The following LAMP1 variants were observed in gnomAD, a reference collection of about 807,000 sequenced individuals.
LAMP1 encodes the protein lysosome-associated membrane glycoprotein 1.
A neutral mutation model predicts 37.5 loss-of-function variants in LAMP1; 7 were observed. The observed-to-expected ratio is 0.19, with a 90% CI of 0.11 to 0.35. The LOEUF (loss-of-function observed/expected upper bound fraction) is 0.35. Ranked by LOEUF, LAMP1 falls within the 10% of genes least tolerant of loss-of-function variation. The pLI is 1.00. For synonymous variants in LAMP1, 236 were observed against 229.1 expected (o/e 1.03, Z -0.27); for missense variants, 537 against 552.8 (o/e 0.97, Z 0.29).
rs2042707888 is a variant in LAMP1 at position 113,322,465 on chromosome 13, T to A, written c.*44T>A. 1 of 1,561,636 alleles carries A rather than the reference T, an allele frequency of 6.4e-7. No individual in the cohort carries two copies. Among genetic ancestry groups the A allele is most frequent in the East Asian group, 2.3e-5 (1 of 43,690 alleles). Reference sequence around the variant, plus strand: ...AGCAGCTGCAGGGGCCTCTGTTCCTTTCTCTGGGCTTAGGGTCCTGTCGAA... The same window carrying A: ...AGCAGCTGCAGGGGCCTCTGTTCCTATCTCTGGGCTTAGGGTCCTGTCGAA... On this transcript the variant is annotated 3_prime_UTR_variant, in exon 9 of 9. Coordinates refer to ENST00000332556, the MANE Select transcript of LAMP1 (RefSeq NM_005561.4).
chr13:113,307,858 C>G (rs1284404423), intron 2 of LAMP1, among the ~76,000 whole-genome samples: 1 of 140,430 alleles, frequency 7.1e-6, no homozygotes, highest in African/African-American at 2.7e-5. Context: ...ACTTGGGAGG[C>G]TGAGGTGGGA....
chr13:113,306,828 AT>A (rs1240866738), intron 2 of LAMP1, among the ~76,000 whole-genome samples: 2 of 50,958 alleles, frequency 3.9e-5, no homozygotes, highest in Non-Finnish European at 1.0e-4. Flanking sequence ...CATCATGAAC[AT>A]TTTCCTTTTT....
intron 4 of LAMP1, among the ~76,000 whole-genome samples, chr13:113,311,831 C>T (rs2042632348): frequency 6.6e-6 from 1 of 152,222 alleles, no homozygotes. Context: ...AAGTAGCAAG[C>T]ACCTGGTAAA....
chr13:113,308,540 G>C (rs1446613180), intron 2 of LAMP1, among the ~76,000 whole-genome samples: 2 of 151,392 alleles, frequency 1.3e-5, no homozygotes, highest in African/African-American at 4.9e-5. Flanking sequence ...GGTCAGGCTG[G>C]TCTCAAACTC....
In LAMP1 at chr13:113,319,553, G is replaced by C; in HGVS notation, c.647G>C (p.Ser216Thr). ...CCCTCGCCCTCACCCGTGCCCAAGA[G>C]CCCCTCTGTGGACAAGTACAACGTG... ...PSPSPSPVPK[S>T]PSVDKYNVSG... The change falls in exon 5 of 9, where the codon AGC becomes ACC. Residue 216 changes from serine (S) to threonine (T), a missense_variant. By Grantham distance (58) the Ser-to-Thr change is moderately conservative (BLOSUM62 1). Transcript: ENST00000332556. 3 of 1,613,972 alleles carry C rather than the reference G, an allele frequency of 1.9e-6. No individual in the cohort carries two copies. Among genetic ancestry groups the C allele is most frequent in the Non-Finnish European group, 1.7e-6 (2 of 1,180,020 alleles).
intron 1 of LAMP1, among the ~76,000 whole-genome samples, chr13:113,303,453 G>A (rs2042583948): frequency 6.6e-6 from 1 of 152,114 alleles, no homozygotes; most frequent in South Asian, 2.1e-4. Flanking sequence ...TGCTGCCAAC[G>A]GCTGTCCTGT....
At position 113,306,505 on chromosome 13, in the gene LAMP1, G is replaced by A. The variant is rs2042599160; in HGVS notation, c.82G>A (p.Ala28Thr). 2 of 1,614,088 alleles carry A rather than the reference G, an allele frequency of 1.2e-6. No homozygotes were observed. The highest frequency in any genetic ancestry group is 1.3e-5 in the African/African-American group (1 of 75,054). The change falls in exon 2 of 9, where the codon GCA becomes ACA. Residue 28 changes from alanine (A) to threonine (T), a missense_variant. Ala to Thr is a moderately conservative substitution (Grantham distance 58). Coordinates refer to ENST00000332556, the MANE Select transcript of LAMP1 (RefSeq NM_005561.4). ...LLLGLMHCASAAMFMVKNGNG... is the reference protein window; with the variant it reads ...LLLGLMHCASTAMFMVKNGNG... ...GACAGGCCTCATGCATTGTGCGTCA[G>A]CAGCAATGTTTATGGTGAAAAATGG...
intron 4 of LAMP1, among the ~76,000 whole-genome samples, chr13:113,315,372 T>A (rs1247662029): frequency 1.3e-5 from 2 of 149,254 alleles, no homozygotes; most frequent in Non-Finnish European, 1.5e-5. Flanking sequence ...GAAAGCCTCA[T>A]GTATCTTGTC....
At chr13:113,313,013 C>A (rs1001410719) in intron 4 of LAMP1, among the ~76,000 whole-genome samples, 6 of 152,314 alleles carry the variant, frequency 3.9e-5, no homozygotes, top group African/African-American at 1.2e-4. Context: ...CACGCACTCT[C>A]TGTCAGAGCT....
intron 1 of LAMP1, among the ~76,000 whole-genome samples, chr13:113,300,858 C>G (rs975227620): frequency 1.3e-5 from 2 of 152,072 alleles, no homozygotes; most frequent in Non-Finnish European, 2.9e-5. Context: ...CCGATGTTAC[C>G]TTTGATTGTG....
chr13:113,299,291 G>C (rs527922223), intron 1 of LAMP1, among the ~76,000 whole-genome samples: 1 of 150,068 alleles, frequency 6.7e-6, no homozygotes, highest in East Asian at 1.9e-4. Flanking sequence ...TTTTTGAGGC[G>C]GAGTTGCTCT....
chr13:113,317,362 T>G (rs1254919158), intron 4 of LAMP1, among the ~76,000 whole-genome samples: 1 of 152,134 alleles, frequency 6.6e-6, no homozygotes, highest in East Asian at 1.9e-4. Context: ...AAGGAGAGTG[T>G]GGGTTTGCGT....
chr13:113,300,486 C>CAAAAAAA (rs781688099), intron 1 of LAMP1, among the ~76,000 whole-genome samples: 5 of 60,238 alleles, frequency 8.3e-5, no homozygotes, highest in Non-Finnish European at 1.1e-4. Context: ...AACTCAATGT[C>CAAAAAAA]AAAAAAAAAA....
At chr13:113,299,333 C>G (rs914267617) in intron 1 of LAMP1, among the ~76,000 whole-genome samples, 2 of 151,316 alleles carry the variant, frequency 1.3e-5, no homozygotes, top group African/African-American at 4.9e-5. Flanking sequence ...GGCACAACCT[C>G]GGCTCACTAC....
rs1318583479 is a variant in LAMP1, at chr13:113,309,545, G to A, written c.184-98G>A. 1.6e-5 allele frequency: 14 copies of A among 889,238 alleles called. No homozygotes were observed. The East Asian group carries it at 3.5e-4, about 22-fold the overall frequency. The allele number at this position is 889,238 out of a possible 1,614,324, so 55.1% of individuals were successfully genotyped here. A position where few individuals can be genotyped will look rare whatever the true frequency, so the allele number is the denominator to read the frequency against. On this transcript the variant is annotated intron_variant, in intron 2 of 8. Transcript: ENST00000332556. Reference sequence around the variant, plus strand: ...CAGTAGTGATATCTTAGTTGGAAATGAAGTATAAGTTTATATCAGACTTAC... The same window carrying A: ...CAGTAGTGATATCTTAGTTGGAAATAAAGTATAAGTTTATATCAGACTTAC...
intron 4 of LAMP1, among the ~76,000 whole-genome samples, chr13:113,318,680 A>C (rs938607340): frequency 2.0e-5 from 3 of 152,004 alleles, no homozygotes; most frequent in African/African-American, 7.2e-5. Flanking sequence ...CAGGGGTGCC[A>C]TGTGCCCCCC....
rs578203177 is a variant in LAMP1, at chr13:113,309,570, C to T, written c.184-73C>T. On this transcript the variant is annotated intron_variant, in intron 2 of 8. Coordinates refer to ENST00000332556, the MANE Select transcript of LAMP1 (RefSeq NM_005561.4). Reference sequence around the variant, plus strand: ...GAAGTATAAGTTTATATCAGACTTACAGAAAATCTCTTTCTTTGAACTTTT... The same window carrying T: ...GAAGTATAAGTTTATATCAGACTTATAGAAAATCTCTTTCTTTGAACTTTT... The T allele has an allele frequency of 7.8e-6, 9 of 1,156,774 alleles. No individual in the cohort carries two copies. In the South Asian group the frequency reaches 8.6e-5, roughly 11 times the overall value. 71.7% of individuals were successfully genotyped at this position (1,156,774 alleles called of 1,614,324 possible). A position where few individuals can be genotyped will look rare whatever the true frequency, so the allele number is the denominator to read the frequency against.
chr13:113,307,591 G>A (rs1400667534), intron 2 of LAMP1, among the ~76,000 whole-genome samples: 3 of 152,136 alleles, frequency 2.0e-5, no homozygotes, highest in Admixed American at 2.0e-4. Flanking sequence ...CTGTGAATGT[G>A]GCTTTTTTGA....
chr13:113,305,661 A>G (rs1292067061), intron 1 of LAMP1: 2 of 152,226 alleles, frequency 1.3e-5, no homozygotes, highest in South Asian at 2.1e-4. Context: ...ACCGATGTGT[A>G]GTGCTGTGAG....
Sources: gnomAD v4.1 joint callset for allele counts (sites outside exome capture counted in the v4.1 genomes callset) on GRCh38, gnomAD v4.1.1 for gene constraint, MANE v1.5 for transcripts, NCBI Gene and HGNC (gene_info 2026-07-23, HGNC 2026-07-21) for gene names.